The following LIMCH1 variants were observed in gnomAD, a reference collection of about 807,000 sequenced individuals.
LIMCH1 encodes the protein LIM and calponin homology domains 1.
In LIMCH1, 113 loss-of-function variants were observed where a neutral mutation model predicts 176.5. The observed-to-expected ratio is 0.64, with a 90% CI of 0.55 to 0.75. The LOEUF is 0.75. Among genes scored for constraint, LIMCH1 ranks in the 30% least tolerant of loss-of-function variants. The pLI, the probability that LIMCH1 is intolerant of heterozygous loss-of-function variation, is 0.00. For synonymous variants in LIMCH1, 619 were observed against 645.9 expected, an observed-to-expected ratio of 0.96 and a Z score of 0.63; for missense variants, 1,674 against 1,814.9, an observed-to-expected ratio of 0.92 and a Z score of 1.41.
chr4:41,669,054 G>A (rs1673865116), intron 21 of LIMCH1, among the ~76,000 whole-genome samples: 1 of 152,124 alleles, frequency 6.6e-6, no homozygotes, highest in African/African-American at 2.4e-5. Context: ...CAAACCGTAT[G>A]AATACTTTCA....
chr4:41,561,484 A>G (rs2082056741), intron 1 of LIMCH1, among the ~76,000 whole-genome samples: 2 of 152,190 alleles, frequency 1.3e-5, no homozygotes, highest in Admixed American at 6.5e-5. Flanking sequence ...ACTAATTAGA[A>G]TGTATAGTCG....
chr4:41,430,007 A>C (rs541183287), intron 1 of LIMCH1, among the ~76,000 whole-genome samples: 1 of 152,336 alleles, frequency 6.6e-6, no homozygotes, highest in East Asian at 1.9e-4. Context: ...ATGGATGGGC[A>C]GGGAAACACA....
At chr4:41,476,510 A>G (rs2067767870) in intron 1 of LIMCH1, among the ~76,000 whole-genome samples, 1 of 152,240 alleles carries the variant, frequency 6.6e-6, no homozygotes, top group Non-Finnish European at 1.5e-5. Flanking sequence ...CACACTCTGC[A>G]TCAGCAATGC....
At chr4:41,540,441 A>G (rs919972099) in intron 1 of LIMCH1, among the ~76,000 whole-genome samples, 4 of 152,176 alleles carry the variant, frequency 2.6e-5, no homozygotes, top group Non-Finnish European at 4.4e-5. Context: ...TAATTTGAGA[A>G]TAAAAGAATA....
rs1585906502 is a variant in LIMCH1 at position 41,684,268 on chromosome 4, A to G, written c.3846-129A>G. 8 of 683,146 alleles carry G rather than the reference A, an allele frequency of 1.2e-5. No individual in the cohort carries two copies. The East Asian group carries it at 2.0e-4, about 17-fold the overall frequency. 42.3% of individuals were successfully genotyped at this position (683,146 alleles called of 1,614,324 possible). A position where few individuals can be genotyped will look rare whatever the true frequency, so the allele number is the denominator to read the frequency against. On this transcript the variant is annotated intron_variant, in intron 26 of 31. Transcript: ENST00000503057. ...TCATTTTAAATCTATTTTAAAATAG[A>G]ATAAATAAAGAGTCCCATCTCTTTT...
chr4:41,528,021 C>T (rs1334639467), intron 3 of LIMCH1, among the ~76,000 whole-genome samples: 1 of 152,016 alleles, frequency 6.6e-6, no homozygotes, highest in African/African-American at 2.4e-5. Flanking sequence ...ATAGTATTCT[C>T]TCAGTGTTGG....
chr4:41,643,319 GT>G (rs200749576), intron 14 of LIMCH1, among the ~76,000 whole-genome samples: 11 of 150,114 alleles, frequency 7.3e-5, no homozygotes, highest in African/African-American at 2.2e-4. Context: ...GTGCATGGTA[GT>G]TTTTTTTTTC....
In LIMCH1 at chr4:41,619,343, G is replaced by A. The variant is rs1232125091; in HGVS notation, c.361G>A (p.Val121Ile). The part of the protein sequence containing the change: ...LPNKSNQTAY[V>I]PAPLRKKKAE... ...GAACAAAAGCAATCAGACGGCCTACGTCCCCGCGCCTCTGAGAAAGAAGAA... is the reference window on the plus strand; with the variant it reads ...GAACAAAAGCAATCAGACGGCCTACATCCCCGCGCCTCTGAGAAAGAAGAA... Residue 121 changes from valine to isoleucine, a missense_variant, in exon 6 of 32, where the codon GTC (valine) becomes ATC (isoleucine). Around this residue, in one of 3 missense-constraint regions of LIMCH1, gnomAD observed 655 missense variants for 692.2 expected, o/e 0.95. Transcript: ENST00000503057. 14 of 1,614,146 alleles carry A rather than the reference G, an allele frequency of 8.7e-6. No homozygotes were observed. Among genetic ancestry groups the A allele is most frequent in the East Asian group, 4.5e-5 (2 of 44,878 alleles).
At chr4:41,468,722 A>C (rs1490970474) in intron 1 of LIMCH1, among the ~76,000 whole-genome samples, 3 of 151,952 alleles carry the variant, frequency 2.0e-5, no homozygotes, top group Non-Finnish European at 2.9e-5. Flanking sequence ...TCTGTCATTC[A>C]GGTAAGATCA....
intron 1 of LIMCH1, among the ~76,000 whole-genome samples, chr4:41,487,920 T>C (rs80112556): frequency 1.3e-5 from 1 of 77,190 alleles, no homozygotes; most frequent in African/African-American, 5.4e-5. Context: ...CCAAAGTGCT[T>C]TTTTTTTTTT....
At chr4:41,382,926 G>A (rs1487954083) in intron 1 of LIMCH1, among the ~76,000 whole-genome samples, 1 of 152,098 alleles carries the variant, frequency 6.6e-6, no homozygotes, top group Admixed American at 6.5e-5. Flanking sequence ...AAGTAGCTGG[G>A]ACTACAGGTG....
chr4:41,407,380 C>T (rs919923845), intron 1 of LIMCH1, among the ~76,000 whole-genome samples: 2 of 152,192 alleles, frequency 1.3e-5, no homozygotes, highest in Non-Finnish European at 1.5e-5. Flanking sequence ...GGGCATTTGC[C>T]ACCATGCCTG....
At chr4:41,582,568 A>G (rs371839696) in intron 1 of LIMCH1, among the ~76,000 whole-genome samples, 2 of 152,208 alleles carry the variant, frequency 1.3e-5, no homozygotes, top group Admixed American at 6.5e-5. Flanking sequence ...ATTTGATTCA[A>G]CCATTTATGT....
intron 14 of LIMCH1, 119 bp from the exon 15 acceptor site, chr4:41,644,381 C>T: frequency 2.3e-6 from 3 of 1,298,580 alleles, no homozygotes; most frequent in South Asian, 1.7e-5. Context: ...GTGCGCAGCC[C>T]GGGAAGGGGG....
intron 1 of LIMCH1, among the ~76,000 whole-genome samples, chr4:41,561,879 T>A (rs2082112605): frequency 6.6e-6 from 1 of 152,124 alleles, no homozygotes; most frequent in Non-Finnish European, 1.5e-5. Context: ...TCAGTAAACA[T>A]TTGCTTGAAA....
chr4:41,489,513 A>G (rs2070342965), intron 1 of LIMCH1, among the ~76,000 whole-genome samples: 1 of 152,236 alleles, frequency 6.6e-6, no homozygotes, highest in East Asian at 1.9e-4. Flanking sequence ...AATACATTGT[A>G]ATTTCTTTTT....
intron 22 of LIMCH1, among the ~76,000 whole-genome samples, chr4:41,675,833 G>T (rs1156865097): frequency 6.6e-6 from 1 of 152,198 alleles, no homozygotes; most frequent in African/African-American, 2.4e-5. Flanking sequence ...TGTCATGCGG[G>T]CCCCAGGGCA....
chr4:41,571,087 A>G (rs1014187272), intron 1 of LIMCH1, among the ~76,000 whole-genome samples: 2 of 152,134 alleles, frequency 1.3e-5, no homozygotes, highest in African/African-American at 4.8e-5. Flanking sequence ...GAGGAGAGAA[A>G]TAAAGACTGT....
At chr4:41,373,481 T>C (rs1044406856) in intron 1 of LIMCH1, among the ~76,000 whole-genome samples, 20 of 152,178 alleles carry the variant, frequency 1.3e-4, no homozygotes, top group African/African-American at 4.3e-4. Context: ...AGCAGTTGGA[T>C]TTTCTCCAAA....
Sources: gnomAD v4.1 joint callset for allele counts (sites outside exome capture counted in the v4.1 genomes callset) on GRCh38, gnomAD v4.1.1 for gene constraint, gnomAD v4.1.1 regional missense constraint, MANE v1.5 for transcripts, NCBI Gene and HGNC (gene_info 2026-07-23, HGNC 2026-07-21) for gene names.